The following RIC1 variants were observed in gnomAD, a reference collection of about 807,000 sequenced individuals.
RIC1 encodes the protein guanine nucleotide exchange factor subunit RIC1.
In RIC1, 88 loss-of-function variants were observed where a neutral mutation model predicts 169.0. The ratio of observed to expected loss-of-function variants is 0.52; its 90% CI spans 0.44 to 0.62. RIC1 has a LOEUF of 0.62. RIC1 is among the 20% of genes least tolerant of loss of function. The pLI, the probability that RIC1 is intolerant of heterozygous loss-of-function variation, is 0.00. For missense variants in RIC1, 1,877 were observed against 1,725.5 expected, an observed-to-expected ratio of 1.09 and a Z score of -1.56; for synonymous variants, 790 against 601.5, an observed-to-expected ratio of 1.31 and a Z score of -4.59.
Position 5,765,650 on chromosome 9 carries a change from G to T in RIC1, c.3001-12G>T. ...TTTCTCTAATGGTACTGCATATGGT[G>T]TGTAATCCTAGGAACCCAGTTCAAG... On this transcript the variant is annotated splice_polypyrimidine_tract_variant and intron_variant, in intron 20 of 25. Coordinates refer to ENST00000414202, the MANE Select transcript of RIC1 (RefSeq NM_020829.4). 8 of 1,614,080 alleles carry T rather than the reference G, an allele frequency of 5.0e-6. No individual in the cohort carries two copies. The highest frequency in any genetic ancestry group is 6.8e-6 in the Non-Finnish European group (8 of 1,179,976).
intron 7 of RIC1, among the ~76,000 whole-genome samples, chr9:5,734,088 A>AATATAT (rs532980925): frequency 1.4e-5 from 2 of 146,550 alleles, no homozygotes; most frequent in Non-Finnish European, 3.0e-5. Flanking sequence ...ATATATTTTA[A>AATATAT]ATATATATAT....
chr9:5,653,527 A>G (rs1314314185), intron 1 of RIC1, among the ~76,000 whole-genome samples: 2 of 152,158 alleles, frequency 1.3e-5, no homozygotes. Context: ...GAACTGACAT[A>G]TTGTGACAGT....
chr9:5,712,100 A>C (rs1422183652), intron 3 of RIC1, among the ~76,000 whole-genome samples: 1 of 152,148 alleles, frequency 6.6e-6, no homozygotes, highest in Non-Finnish European at 1.5e-5. Flanking sequence ...TAGTAATGGG[A>C]TTGCTGGGTC....
At chr9:5,694,574 T>C (rs1467705156) in intron 3 of RIC1, among the ~76,000 whole-genome samples, 2 of 152,200 alleles carry the variant, frequency 1.3e-5, no homozygotes, top group Non-Finnish European at 2.9e-5. Context: ...TACTTCACAT[T>C]ATAGTTGCAT....
intron 3 of RIC1, among the ~76,000 whole-genome samples, chr9:5,690,251 C>G (rs1821516432): frequency 6.6e-6 from 1 of 152,060 alleles, no homozygotes; most frequent in South Asian, 2.1e-4. Flanking sequence ...TATATCAAGA[C>G]TATTTTCTTG....
chr9:5,732,568 A>C, intron 7 of RIC1, 89 bp downstream of exon 7: 1 of 711,970 alleles, frequency 1.4e-6, no homozygotes, highest in Non-Finnish European at 2.4e-6. Flanking sequence ...TTCCTAACAT[A>C]CTTATAAACT....
chr9:5,732,988 A>T (rs1225565763), intron 7 of RIC1, among the ~76,000 whole-genome samples: 1 of 152,194 alleles, frequency 6.6e-6, no homozygotes, highest in East Asian at 1.9e-4. Context: ...TGCCTATCAC[A>T]TACCAGCCAT....
intron 10 of RIC1, 88 bp from the exon 11 acceptor site, chr9:5,745,843 A>C: frequency 9.0e-7 from 1 of 1,111,606 alleles, no homozygotes. Flanking sequence ...ATCATTGGCT[A>C]TTTCAGAATT....
At chr9:5,667,997 G>A (rs1397609343) in intron 2 of RIC1, among the ~76,000 whole-genome samples, 1 of 152,160 alleles carries the variant, frequency 6.6e-6, no homozygotes, top group Non-Finnish European at 1.5e-5. Context: ...AAAGGAAAGA[G>A]GTTTAATTGA....
chr9:5,743,535 G>A (rs2130984423), intron 9 of RIC1, among the ~76,000 whole-genome samples, 154 bp from the exon 10 acceptor site: 2 of 152,072 alleles, frequency 1.3e-5, no homozygotes, highest in Admixed American at 1.3e-4. Context: ...TATACACCTA[G>A]GTGTATTAAC....
intron 1 of RIC1, among the ~76,000 whole-genome samples, chr9:5,653,236 A>G (rs567875889): frequency 6.6e-6 from 1 of 152,026 alleles, no homozygotes; most frequent in South Asian, 2.1e-4. Context: ...ATCAGTTGGC[A>G]TATATTTGTG....
chr9:5,769,934 T>G (rs1157364649), intron 22 of RIC1, among the ~76,000 whole-genome samples, 153 bp from the exon 23 acceptor site: 10 of 152,180 alleles, frequency 6.6e-5, no homozygotes, highest in African/African-American at 2.4e-4. Context: ...TCTCTAGTTT[T>G]GGGGTGGCTG....
chr9:5,653,150 C>T (rs370440838), intron 1 of RIC1, among the ~76,000 whole-genome samples: 34 of 152,220 alleles, frequency 2.2e-4, no homozygotes, highest in Middle Eastern at 3.4e-3. Context: ...TGAATGTTGA[C>T]GTCTAGTTGT....
chr9:5,723,628 T>C (rs966791531), intron 6 of RIC1, among the ~76,000 whole-genome samples: 2 of 152,234 alleles, frequency 1.3e-5, no homozygotes, highest in Non-Finnish European at 2.9e-5. Context: ...CATGAAGTCC[T>C]TGCCCATGCC....
At position 5,629,266 on chromosome 9, in the gene RIC1, G is replaced by A. The variant is rs1437250984; in HGVS notation, c.-44G>A. On this transcript the variant is annotated 5_prime_UTR_variant, in exon 1 of 26. In the 5' UTR this introduces an upstream ATG that the reference lacks. Coordinates refer to ENST00000414202, the MANE Select transcript of RIC1 (RefSeq NM_020829.4). The stretch of plus-strand genomic sequence containing the variant: ...TGGGCGACCAGCCCGGGGCCGCTGA[G>A]TGTGACGGACGCAACTGGGGGCGCC... 7.0e-7 allele frequency: 1 copy of A among 1,438,194 alleles called. No individual in the cohort carries two copies. Among genetic ancestry groups the A allele is most frequent in the Non-Finnish European group, 9.1e-7 (1 of 1,094,006 alleles). 89.1% of individuals were successfully genotyped at this position (1,438,194 alleles called of 1,614,324 possible).
chr9:5,649,140 GA>G (rs201886296), intron 1 of RIC1, among the ~76,000 whole-genome samples: 10 of 147,594 alleles, frequency 6.8e-5, no homozygotes, highest in East Asian at 2.0e-4. Flanking sequence ...TCTTAAAAAA[GA>G]AAAAAAAAAT....
chr9:5,659,391 C>G (rs1819309807), intron 2 of RIC1, among the ~76,000 whole-genome samples: 1 of 152,064 alleles, frequency 6.6e-6, no homozygotes, highest in African/African-American at 2.4e-5. Context: ...ATTGTCAACC[C>G]ATTGTAAGTT....
chr9:5,714,663 T>A (rs1823127155), intron 4 of RIC1, among the ~76,000 whole-genome samples: 1 of 152,176 alleles, frequency 6.6e-6, no homozygotes, highest in Non-Finnish European at 1.5e-5. Context: ...AAAAAATCTT[T>A]CCAAATATGT....
intron 2 of RIC1, among the ~76,000 whole-genome samples, chr9:5,670,224 G>A (rs1820009883): frequency 6.6e-6 from 1 of 152,208 alleles, no homozygotes; most frequent in Non-Finnish European, 1.5e-5. Context: ...GGCATTTCAA[G>A]TCTGATTATT....
Sources: allele counts gnomAD v4.1 joint callset (sites outside exome capture counted in the v4.1 genomes callset), GRCh38; gene constraint gnomAD v4.1.1; transcripts MANE v1.5; gene names NCBI Gene and HGNC (gene_info 2026-07-23, HGNC 2026-07-21).